Variants in KIF14 observed in about 807,000 individuals in gnomAD.
KIF14 encodes kinesin family member 14.
In KIF14, 98 loss-of-function variants were observed where a neutral mutation model predicts 176.2. The ratio of observed to expected loss-of-function variants is 0.56; its 90% confidence interval spans 0.47 to 0.66. The LOEUF (loss-of-function observed/expected upper bound fraction) is 0.66. Ranked by LOEUF, KIF14 falls within the 30% of genes least tolerant of loss-of-function variation. The pLI, the probability that KIF14 is intolerant of heterozygous loss-of-function variation, is 0.00. For missense variants in KIF14, 1,751 were observed against 1,920.4 expected, an observed-to-expected ratio of 0.91 and a Z score of 1.65; for synonymous variants, 566 against 632.2, an observed-to-expected ratio of 0.90 and a Z score of 1.57.
In KIF14 at chr1:200,618,172, A is replaced by T; in HGVS notation, c.552T>A (p.Asp184Glu). 8 of 1,613,952 alleles carry T rather than the reference A, an allele frequency of 5.0e-6. No homozygotes were observed. Among genetic ancestry groups the T allele is most frequent in the Non-Finnish European group, 6.8e-6 (8 of 1,179,956 alleles). The part of the protein sequence containing the change: ...FVASSVPLDE[D>E]PQVIEMMADK... ...CAGCCATCATTTCAATGACCTGTGG[A>T]TCTTCATCTAAAGGTACAGAAGAGG... Residue 184 changes from aspartate (D) to glutamate (E), a missense_variant, in exon 2 of 30, where the codon GAT becomes GAA. Asp to Glu is a conservative substitution (Grantham distance 45). Transcript: ENST00000367350.
At chr1:200,591,283 T>C (rs774660011) in intron 16 of KIF14, among the ~76,000 whole-genome samples, 3 of 152,150 alleles carry the variant, frequency 2.0e-5, no homozygotes, top group Non-Finnish European at 2.9e-5. Flanking sequence ...GCCTTGTCAA[T>C]CTTATCTCCT....
intron 5 of KIF14, among the ~76,000 whole-genome samples, chr1:200,608,488 G>T (rs1213831125): frequency 6.6e-6 from 1 of 151,866 alleles, no homozygotes; most frequent in East Asian, 1.9e-4. Context: ...TCAGCCTCTG[G>T]AGAAGCTGGG....
chr1:200,556,997 T>A (rs897404074), intron 27 of KIF14, among the ~76,000 whole-genome samples: 30 of 151,900 alleles, frequency 2.0e-4, no homozygotes, highest in African/African-American at 5.3e-4. Flanking sequence ...TACTTTTATT[T>A]TTTATTTATT....
At chr1:200,561,083 TAGTC>T (rs997691876) in intron 25 of KIF14, among the ~76,000 whole-genome samples, 2 of 151,580 alleles carry the variant, frequency 1.3e-5, no homozygotes, top group Non-Finnish European at 2.9e-5. Flanking sequence ...ATACAAAAAT[TAGTC>T]AGGCATAGTG....
chr1:200,582,372 CA>C lies in KIF14; in HGVS notation c.3242-1079del, dbSNP rs576581264. Among the ~76,000 whole-genome samples, 283 of 144,638 alleles carry C rather than the reference CA, an allele frequency of 2.0e-3. 2 individuals are homozygous for C. The highest frequency in any genetic ancestry group is 3.4e-3 in the Admixed American group (49 of 14,404). The allele number at this position is 144,638 out of a possible 152,430, so 94.9% of individuals were successfully genotyped here. On this transcript the variant is annotated intron_variant, in intron 19 of 29. Transcript: ENST00000367350. Reference sequence around the variant, plus strand: ...TGTGTGACAGAGCAAGACTTTGTCTCAAAAAAAAAAAATTTATCATAAATAT... The same window carrying C: ...TGTGTGACAGAGCAAGACTTTGTCTCAAAAAAAAAAATTTATCATAAATAT...
chr1:200,569,757 C>T lies in KIF14; in HGVS notation c.3661+154G>A, dbSNP rs10800711. Among the ~76,000 whole-genome samples, 120,788 of 152,112 alleles carry T rather than the reference C, an allele frequency of 0.79. 48,298 individuals are homozygous for T. Among genetic ancestry groups the T allele is most frequent in the African/African-American group, 0.89 (36,828 of 41,536 alleles). ...ATCACAGAGCACAGAATTTTTGAAG[C>T]GGAAGGGGTCATTGATCCAACCTCC... On this transcript the variant is annotated intron_variant, in intron 23 of 29. Transcript: ENST00000367350.
intron 16 of KIF14, among the ~76,000 whole-genome samples, chr1:200,591,339 A>G (rs1260010056): frequency 1.3e-5 from 2 of 151,974 alleles, no homozygotes; most frequent in African/African-American, 2.4e-5. Context: ...CCTTACTTCA[A>G]TAGTCTCTTA....
At chr1:200,602,144 A>C in intron 10 of KIF14, 76 bp from the exon 11 acceptor site, 2 of 1,219,976 alleles carry the variant, frequency 1.6e-6, no homozygotes, top group Non-Finnish European at 1.2e-6. Flanking sequence ...GCACAAAACA[A>C]ACTAATAGGG....
intron 19 of KIF14, among the ~76,000 whole-genome samples, chr1:200,581,521 A>G (rs1260626115): frequency 6.6e-6 from 1 of 152,170 alleles, no homozygotes; most frequent in Non-Finnish European, 1.5e-5. Context: ...AAGTTGATAT[A>G]AAAAAGATAA....
At chr1:200,584,400 C>T (rs1368741779) in intron 19 of KIF14, among the ~76,000 whole-genome samples, 1 of 151,988 alleles carries the variant, frequency 6.6e-6, no homozygotes, top group East Asian at 1.9e-4. Flanking sequence ...AAAGACACTA[C>T]AAGAAAAGAA....
chr1:200,605,344 C>G lies in KIF14; in HGVS notation c.1685G>C (p.Gly562Ala). 6.2e-7 allele frequency: 1 copy of G among 1,613,638 alleles called. No individual in the cohort carries two copies. The highest frequency in any genetic ancestry group is 8.5e-7 in the Non-Finnish European group (1 of 1,179,762). ...AGATCGGGAACTTTTATCATTCATA[C>G]CAGTAGCAGCAGTAGCTCTTTGTTT... The part of the protein sequence containing the change: ...GNKQRATAAT[G>A]MNDKSSRSHS... The change falls in exon 8 of 30, where the codon GGT becomes GCT. Residue 562 changes from glycine to alanine, a missense_variant. Gly to Ala is a moderately conservative substitution (Grantham distance 60, BLOSUM62 0). Transcript: ENST00000367350.
Position 200,598,345 on chromosome 1 carries a change from T to C in KIF14, c.2441A>G (p.Glu814Gly). 1 of 1,613,180 alleles carries C rather than the reference T, an allele frequency of 6.2e-7. No individual in the cohort carries two copies. The highest frequency in any genetic ancestry group is 8.5e-7 in the Non-Finnish European group (1 of 1,179,526). Residue 814 changes from glutamate to glycine, a missense_variant, in exon 14 of 30, where the codon GAG becomes GGG. Glu to Gly is a moderately conservative substitution (Grantham distance 98, BLOSUM62 -2). Transcript: ENST00000367350. ...TTCTTTTATCATATATAGCAGCATCTCAGATAGTTGTGGATCTTCATTCAG... is the reference window on the plus strand; with the variant it reads ...TTCTTTTATCATATATAGCAGCATCCCAGATAGTTGTGGATCTTCATTCAG... ...VNLNEDPQLS[E>G]MLLYMIKEGT...
At chr1:200,605,017 T>C (rs536962821) in intron 8 of KIF14, among the ~76,000 whole-genome samples, 2 of 152,168 alleles carry the variant, frequency 1.3e-5, no homozygotes, top group East Asian at 1.9e-4. Flanking sequence ...CCAAAAGTCA[T>C]TGAAACTAAG....
At chr1:200,576,596 C>T (rs901795600) in intron 21 of KIF14, among the ~76,000 whole-genome samples, 14 of 151,436 alleles carry the variant, frequency 9.2e-5, no homozygotes, top group Non-Finnish European at 1.8e-4. Flanking sequence ...TTTTGTTGTT[C>T]TAAAAATACA....
At chr1:200,579,513 G>GC (rs1478370997) in intron 21 of KIF14, among the ~76,000 whole-genome samples, 1 of 152,062 alleles carries the variant, frequency 6.6e-6, no homozygotes, top group Non-Finnish European at 1.5e-5. Context: ...GGAGGCTGAG[G>GC]CAAGAGAATC....
At position 200,554,390 on chromosome 1, in the gene KIF14, C is replaced by CA. The variant is rs200142247; in HGVS notation, c.4567+77dup. 125,798 of 757,746 alleles carry CA rather than the reference C, an allele frequency of 0.17. 2,092 individuals are homozygous for CA. The highest frequency in any genetic ancestry group is 0.21 in the South Asian group (9,055 of 44,136). The allele number at this position is 757,746 out of a possible 1,614,324, so 46.9% of individuals were successfully genotyped here. On this transcript the variant is annotated intron_variant, in intron 29 of 29. Coordinates refer to ENST00000367350, the MANE Select transcript of KIF14 (RefSeq NM_014875.3). ...TGAGTGACAGAGCGAGACTCCATCT[C>CA]AAAAAAAAAAAGGAAAGATGTCTAA...
At chr1:200,603,176 T>A (rs1334044313) in intron 10 of KIF14, 50 bp downstream of exon 10, 7 of 1,073,970 alleles carry the variant, frequency 6.5e-6, no homozygotes, top group Non-Finnish European at 9.7e-6. Context: ...CTTTTCCCCA[T>A]AGTATTCACT....
At position 200,555,411 on chromosome 1, in the gene KIF14, G is replaced by T; in HGVS notation, c.4397C>A (p.Ser1466Tyr). 1.9e-6 allele frequency: 3 copies of T among 1,581,550 alleles called. No individual in the cohort carries two copies. Among genetic ancestry groups the T allele is most frequent in the Non-Finnish European group, 2.6e-6 (3 of 1,163,470 alleles). Residue 1466 changes from serine to tyrosine, a missense_variant, in exon 28 of 30, where the codon TCT (serine) becomes TAT (tyrosine). Coordinates refer to ENST00000367350, the MANE Select transcript of KIF14 (RefSeq NM_014875.3). ...CGATTCAGCAAAGATGTTTTCAAGA[G>T]ATCTAATCAATCCCATGGCATTAGT... ...MKTNAMGLIR[S>Y]LENIFAESKI...
intron 25 of KIF14, among the ~76,000 whole-genome samples, chr1:200,561,229 T>TTAA (rs1657130270): frequency 7.8e-6 from 1 of 128,080 alleles, no homozygotes; most frequent in South Asian, 2.5e-4. Context: ...GACTCCATCT[T>TTAA]AAAAAAAAAA....
Sources: gnomAD v4.1 joint callset for allele counts (sites outside exome capture counted in the v4.1 genomes callset) on GRCh38, gnomAD v4.1.1 for gene constraint, MANE v1.5 for transcripts, NCBI Gene and HGNC (gene_info 2026-07-23, HGNC 2026-07-21) for gene names.